Variants in TMEM132B observed in about 807,000 individuals in gnomAD.
TMEM132B encodes transmembrane protein 132B.
In TMEM132B, 18 loss-of-function variants were observed where a neutral mutation model predicts 90.8. That is an observed-to-expected ratio of 0.20 (90% CI 0.14 to 0.29). The LOEUF (loss-of-function observed/expected upper bound fraction) is 0.29, where lower values mean the gene tolerates loss of function less well. Among genes scored for constraint, TMEM132B ranks in the 10% least tolerant of loss-of-function variants. The pLI, the probability that TMEM132B is intolerant of heterozygous loss-of-function variation, is 1.00. For missense variants in TMEM132B, 1,096 were observed against 1,326.8 expected (o/e 0.83, Z 2.70); for synonymous variants, 504 against 523.3 (o/e 0.96, Z 0.50).
intron 1 of TMEM132B, among the ~76,000 whole-genome samples, chr12:125,190,390 G>C (rs1481329739): frequency 1.3e-5 from 2 of 150,638 alleles, no homozygotes; most frequent in African/African-American, 2.4e-5. Flanking sequence ...GAAAGGGGTG[G>C]TGATGGGGAT....
intron 3 of TMEM132B, among the ~76,000 whole-genome samples, chr12:125,505,845 G>T (rs1160374113): frequency 6.6e-6 from 1 of 152,166 alleles, no homozygotes; most frequent in African/African-American, 2.4e-5. Context: ...AATTAAAAGG[G>T]CCTCAGGGCC....
chr12:125,259,464 A>G (rs1874511511), intron 1 of TMEM132B, among the ~76,000 whole-genome samples: 1 of 152,178 alleles, frequency 6.6e-6, no homozygotes, highest in African/African-American at 2.4e-5. Flanking sequence ...AAGCCCAGCA[A>G]TGTCGTCAGC....
chr12:125,211,057 A>T (rs1158478811), intron 1 of TMEM132B, among the ~76,000 whole-genome samples: 1 of 150,014 alleles, frequency 6.7e-6, no homozygotes, highest in Non-Finnish European at 1.5e-5. Flanking sequence ...GGCAACAGTG[A>T]GACTCCATCT....
chr12:125,513,356 G>A (rs1021025362), intron 3 of TMEM132B, among the ~76,000 whole-genome samples: 2 of 152,158 alleles, frequency 1.3e-5, no homozygotes, highest in Non-Finnish European at 2.9e-5. Flanking sequence ...GCGTGTGTGC[G>A]TGTGAGAGAC....
chr12:125,336,082 C>T (rs969512605), intron 1 of TMEM132B, among the ~76,000 whole-genome samples: 15 of 152,172 alleles, frequency 9.9e-5, no homozygotes, highest in East Asian at 5.8e-4. Context: ...AGCATCGGCA[C>T]GGTCAGGACA....
At position 125,473,302 on chromosome 12, in the gene TMEM132B, C is replaced by A. The variant is rs140176884; in HGVS notation, c.1107-46137C>A. ...CCACTTTTCCAAAAGGCCCACCCCC[C>A]ACCATTAATTTTTCCCAAGTATCTT... is the stretch of plus-strand genomic sequence containing the variant. On this transcript the variant is annotated intron_variant, in intron 3 of 8. Transcript: ENST00000682704. Among the ~76,000 whole-genome samples the A allele has an allele frequency of 9.8e-5, 15 of 152,320 alleles. No individual in the cohort carries two copies. The East Asian group carries it at 2.9e-3, about 29-fold the overall frequency.
chr12:125,427,463 C>T lies in TMEM132B; in HGVS notation c.1106+11786C>T, dbSNP rs528796942. Reference sequence around the variant, plus strand: ...GAACCCAGGCTTCAAGGCTCCAGAGCAGTGCCTGGCACAGAGTAGGCTCTC... The same window carrying T: ...GAACCCAGGCTTCAAGGCTCCAGAGTAGTGCCTGGCACAGAGTAGGCTCTC... On this transcript the variant is annotated intron_variant, in intron 3 of 8. Transcript: ENST00000682704. Among the ~76,000 whole-genome samples the T allele has an allele frequency of 2.2e-3, 342 of 152,332 alleles. 2 individuals are homozygous for T. The highest frequency in any genetic ancestry group is 7.6e-3 in the African/African-American group (318 of 41,582).
chr12:125,281,121 A>T (rs1416259636), intron 1 of TMEM132B, among the ~76,000 whole-genome samples: 2 of 152,182 alleles, frequency 1.3e-5, no homozygotes, highest in African/African-American at 4.8e-5. Context: ...CGGTTCCTGG[A>T]TACAGGGCAT....
chr12:125,540,968 A>C (rs1883939301), intron 4 of TMEM132B, among the ~76,000 whole-genome samples: 1 of 152,298 alleles, frequency 6.6e-6, no homozygotes, highest in African/African-American at 2.4e-5. Flanking sequence ...GCTGTTTCTC[A>C]GATGTGCCAT....
chr12:125,337,897 C>T lies in TMEM132B; in HGVS notation c.68-11555C>T, dbSNP rs200323086. Among the ~76,000 whole-genome samples the T allele has an allele frequency of 4.6e-5, 7 of 152,240 alleles. No individual in the cohort carries two copies. In the East Asian group the frequency reaches 5.8e-4, roughly 13 times the overall value. On this transcript the variant is annotated intron_variant, in intron 1 of 8. Coordinates refer to ENST00000682704, the MANE Select transcript of TMEM132B (RefSeq NM_001366854.1). ...ATCCTTGATCTCCTTCCCCAAAGTC[C>T]GCCACTTCTAGCCATTTCTGGTTTT...
In TMEM132B at chr12:125,278,898, C is replaced by T. The variant is rs568684130; in HGVS notation, c.68-70554C>T. 4.6e-5 allele frequency among the ~76,000 whole-genome samples: 7 copies of T among 152,230 alleles called. 1 individual carries two copies. In the East Asian group the frequency reaches 1.4e-3, roughly 29 times the overall value. ...TTGAATTTCCCTCTCTGAAGACCCT[C>T]TAAGAGGCAATAACTCTGCCCAGGT... On this transcript the variant is annotated intron_variant, in intron 1 of 8. Transcript: ENST00000682704.
chr12:125,276,510 T>A (rs529892025), intron 1 of TMEM132B, among the ~76,000 whole-genome samples: 3 of 152,346 alleles, frequency 2.0e-5, no homozygotes, highest in African/African-American at 7.2e-5. Flanking sequence ...TGGGCTATGC[T>A]TGATTTCAGG....
intron 1 of TMEM132B, among the ~76,000 whole-genome samples, chr12:125,267,426 C>T (rs1369781874): frequency 2.0e-5 from 3 of 152,088 alleles, no homozygotes; most frequent in Admixed American, 2.0e-4. Context: ...CTGTCAGCTG[C>T]AAGAAGACTG....
intron 2 of TMEM132B, among the ~76,000 whole-genome samples, chr12:125,400,964 C>CCTG (rs1879303894): frequency 6.6e-6 from 1 of 152,140 alleles, no homozygotes; most frequent in Non-Finnish European, 1.5e-5. Context: ...CACTATGGGT[C>CCTG]CTGCCCCCCA....
intron 1 of TMEM132B, among the ~76,000 whole-genome samples, chr12:125,279,552 A>G (rs180757660): frequency 6.6e-6 from 1 of 152,246 alleles, no homozygotes; most frequent in Non-Finnish European, 1.5e-5. Flanking sequence ...CAGCATGCAT[A>G]TGTTGCTGTG....
intron 1 of TMEM132B, among the ~76,000 whole-genome samples, chr12:125,228,470 A>G (rs1873733135): frequency 6.6e-6 from 1 of 152,146 alleles, no homozygotes; most frequent in Admixed American, 6.5e-5. Flanking sequence ...AGAGTCGAAC[A>G]ATTTGGGTTT....
chr12:125,228,969 G>T (rs936987861), intron 1 of TMEM132B, among the ~76,000 whole-genome samples: 6 of 152,242 alleles, frequency 3.9e-5, no homozygotes, highest in Non-Finnish European at 7.4e-5. Context: ...CATCTTTCCT[G>T]CCTGGATGCA....
chr12:125,539,304 A>G (rs1466869023), intron 4 of TMEM132B, among the ~76,000 whole-genome samples: 1 of 152,072 alleles, frequency 6.6e-6, no homozygotes, highest in Admixed American at 6.6e-5. Context: ...GAATGGGCCA[A>G]TCTTGTTCTC....
At chr12:125,648,115 C>T (rs1886814208) in intron 6 of TMEM132B, among the ~76,000 whole-genome samples, 1 of 138,884 alleles carries the variant, frequency 7.2e-6, no homozygotes, top group Non-Finnish European at 1.5e-5. Context: ...CATGTGATCT[C>T]ATTGTTCAAT....
Sources: gnomAD v4.1 joint callset for allele counts (sites outside exome capture counted in the v4.1 genomes callset) on GRCh38, gnomAD v4.1.1 for gene constraint, MANE v1.5 for transcripts, NCBI Gene and HGNC (gene_info 2026-07-23, HGNC 2026-07-21) for gene names.